The following CTNNA3 variants were observed in gnomAD, a reference collection of about 807,000 sequenced individuals.
CTNNA3 encodes catenin alpha 3, also known as catenin alpha-3.
CTNNA3 carries 76 observed loss-of-function variants against 95.7 expected under a neutral mutation model. The ratio of observed to expected loss-of-function variants is 0.79; its 90% CI spans 0.66 to 0.96. CTNNA3 has a LOEUF of 0.96. CTNNA3 is among the 40% of genes least tolerant of loss of function. The probability of loss-of-function intolerance (pLI) is 0.00; values close to 1 mark genes in which losing one functional copy is unlikely to be tolerated. For synonymous variants in CTNNA3, 431 were observed against 374.4 expected, an observed-to-expected ratio of 1.15 and a Z score of -1.74; for missense variants, 1,191 against 1,089.8, an observed-to-expected ratio of 1.09 and a Z score of -1.31.
intron 10 of CTNNA3, among the ~76,000 whole-genome samples, chr10:66,572,381 TAAA>T (rs5785764): frequency 4.8e-5 from 7 of 146,220 alleles, no homozygotes; most frequent in African/African-American, 7.6e-5. Flanking sequence ...GACTCTGTCT[TAAA>T]AAAAAAAAAA....
At chr10:66,034,663 G>C (rs1162182154) in intron 15 of CTNNA3, among the ~76,000 whole-genome samples, 14 of 152,128 alleles carry the variant, frequency 9.2e-5, no homozygotes. Flanking sequence ...TTTATGCACT[G>C]TGAGTATTCC....
At chr10:67,180,742 C>A (rs796632905) in intron 6 of CTNNA3, among the ~76,000 whole-genome samples, 7 of 152,216 alleles carry the variant, frequency 4.6e-5, no homozygotes, top group South Asian at 4.1e-4. Context: ...CTCAGACAGA[C>A]CTGGATTCAA....
chr10:67,313,111 C>A (rs535740933), intron 5 of CTNNA3, among the ~76,000 whole-genome samples: 1 of 152,160 alleles, frequency 6.6e-6, no homozygotes, highest in South Asian at 2.1e-4. Context: ...ATTACCACGG[C>A]TAAACTACTA....
intron 7 of CTNNA3, among the ~76,000 whole-genome samples, chr10:67,043,253 T>C (rs1854519580): frequency 6.6e-6 from 1 of 151,752 alleles, no homozygotes; most frequent in Non-Finnish European, 1.5e-5. Context: ...CCACAGATGA[T>C]GAATGGTATG....
intron 5 of CTNNA3, among the ~76,000 whole-genome samples, chr10:67,225,847 C>G (rs927604136): frequency 6.6e-6 from 1 of 152,098 alleles, no homozygotes. Flanking sequence ...CACTACCTCA[C>G]CAGCAATGGA....
intron 7 of CTNNA3, among the ~76,000 whole-genome samples, chr10:67,101,410 T>C (rs1354959119): frequency 2.0e-5 from 3 of 151,176 alleles, no homozygotes; most frequent in Non-Finnish European, 4.4e-5. Context: ...TCTTAAACCA[T>C]GAAATTTTTT....
intron 5 of CTNNA3, among the ~76,000 whole-genome samples, chr10:67,267,821 A>G (rs1216386736): frequency 6.6e-6 from 1 of 152,192 alleles, no homozygotes; most frequent in Non-Finnish European, 1.5e-5. Context: ...TTTTTATTAT[A>G]GCATTATTTG....
chr10:66,038,390 A>G (rs1396708390), intron 15 of CTNNA3, among the ~76,000 whole-genome samples: 1 of 152,132 alleles, frequency 6.6e-6, no homozygotes, highest in Non-Finnish European at 1.5e-5. Flanking sequence ...TTATGTTTGG[A>G]AGACAGTAGC....
chr10:66,116,521 A>C (rs1219132688), intron 13 of CTNNA3, among the ~76,000 whole-genome samples: 3 of 151,508 alleles, frequency 2.0e-5, no homozygotes, highest in Non-Finnish European at 4.4e-5. Context: ...TGGTATGCCC[A>C]TTTAATGAAA....
chr10:66,717,951 C>A (rs1423190642), intron 9 of CTNNA3, among the ~76,000 whole-genome samples: 1 of 152,052 alleles, frequency 6.6e-6, no homozygotes, highest in African/African-American at 2.4e-5. Flanking sequence ...AGTGTGAATC[C>A]TTTTAACAGT....
chr10:67,524,151 C>T (rs1840066360), intron 4 of CTNNA3, among the ~76,000 whole-genome samples: 2 of 152,068 alleles, frequency 1.3e-5, no homozygotes, highest in African/African-American at 4.8e-5. Flanking sequence ...CGCCTGTAAT[C>T]CCAGCACTTT....
At chr10:67,653,932 C>G (rs753071182) in intron 1 of CTNNA3, among the ~76,000 whole-genome samples, 5 of 152,148 alleles carry the variant, frequency 3.3e-5, no homozygotes, top group African/African-American at 4.8e-5. Context: ...TTGGCCTCTT[C>G]GTGGAATCCA....
chr10:67,075,601 T>C (rs1178443709), intron 7 of CTNNA3, among the ~76,000 whole-genome samples: 2 of 152,170 alleles, frequency 1.3e-5, no homozygotes, highest in African/African-American at 2.4e-5. Context: ...AGTGCTCCAG[T>C]CTAGGAAATC....
chr10:66,351,590 G>A (rs960109820), intron 12 of CTNNA3, among the ~76,000 whole-genome samples: 1 of 151,958 alleles, frequency 6.6e-6, no homozygotes, highest in African/African-American at 2.4e-5. Context: ...TCCTGAATTA[G>A]ATTTACGGTA....
At chr10:67,688,461 G>A (rs368954030) in intron 1 of CTNNA3, among the ~76,000 whole-genome samples, 3 of 152,144 alleles carry the variant, frequency 2.0e-5, no homozygotes, top group African/African-American at 7.2e-5. Context: ...CTCCTTCAAT[G>A]AAAAGAAAGC....
At chr10:66,420,714 G>A (rs965280010) in intron 11 of CTNNA3, among the ~76,000 whole-genome samples, 4 of 151,830 alleles carry the variant, frequency 2.6e-5, no homozygotes, top group Admixed American at 6.6e-5. Flanking sequence ...CAGGAGAATC[G>A]CTTGAACTGG....
chr10:66,773,812 C>T (rs996967235), intron 8 of CTNNA3, among the ~76,000 whole-genome samples: 1 of 152,082 alleles, frequency 6.6e-6, no homozygotes, highest in African/African-American at 2.4e-5. Flanking sequence ...TATTAGTAAT[C>T]CCCAATGCTA....
At chr10:66,892,897 G>A (rs1327718958) in intron 7 of CTNNA3, among the ~76,000 whole-genome samples, 1 of 152,068 alleles carries the variant, frequency 6.6e-6, no homozygotes, top group Non-Finnish European at 1.5e-5. Flanking sequence ...GTGACTAAGA[G>A]TACACTGGTA....
chr10:66,812,728 GT>G (rs1841930797), intron 7 of CTNNA3, among the ~76,000 whole-genome samples: 1 of 152,112 alleles, frequency 6.6e-6, no homozygotes, highest in African/African-American at 2.4e-5. Flanking sequence ...TCTCAGGAAA[GT>G]CCTTTTATTT....
Sources: gnomAD v4.1 joint callset for allele counts (sites outside exome capture counted in the v4.1 genomes callset) on GRCh38, gnomAD v4.1.1 for gene constraint, MANE v1.5 for transcripts, NCBI Gene and HGNC (gene_info 2026-07-23, HGNC 2026-07-21) for gene names.